Variants in PHF8 observed in about 807,000 individuals in gnomAD.
The protein encoded by PHF8 is PHD finger protein 8, also known as histone lysine demethylase PHF8.
Under a neutral mutation model 74.4 loss-of-function variants are expected in PHF8, and 9 were observed. The observed-to-expected ratio is 0.12, with a 90% confidence interval of 0.07 to 0.21. The LOEUF is 0.21. Among genes scored for constraint, PHF8 ranks in the 10% least tolerant of loss-of-function variants. The pLI is 1.00. For synonymous variants in PHF8, 311 were observed against 316.6 expected, an observed-to-expected ratio of 0.98 and a Z score of 0.19; for missense variants, 478 against 816.6, an observed-to-expected ratio of 0.59 and a Z score of 5.05.
chrX:54,000,763 G>A (rs2065814940), intron 10 of PHF8, among the ~76,000 whole-genome samples: 1 of 112,876 alleles, frequency 8.9e-6, no homozygotes, highest in Admixed American at 9.3e-5. Context: ...CTGGGCTAAC[G>A]CCCAGGAACC....
rs1028596908 is a variant in PHF8 at position 54,013,129 on chromosome X, T to A, written c.783+1248A>T. Among the ~76,000 whole-genome samples the A allele has an allele frequency of 7.3e-5, 8 of 109,839 alleles. No homozygotes were observed. In the East Asian group the frequency reaches 1.7e-3, roughly 23 times the overall value. ...ACAGATTCTGTTTCTAAGAAAAAAATAATAATAATAAAAAAGAAAACTAAA... is the reference window on the plus strand; with the variant it reads ...ACAGATTCTGTTTCTAAGAAAAAAAAAATAATAATAAAAAAGAAAACTAAA... On this transcript the variant is annotated intron_variant, in intron 7 of 21. Coordinates refer to ENST00000338154, the MANE Select transcript of PHF8 (RefSeq NM_015107.3).
rs1557082436 is a variant in PHF8 at position 53,938,486 on chromosome X, C to CT, written c.*671dup. 8 of 767,994 alleles carry CT rather than the reference C, an allele frequency of 1.0e-5. No individual in the cohort carries two copies. Among genetic ancestry groups the CT allele is most frequent in the Non-Finnish European group, 1.2e-5 (8 of 648,839 alleles). The allele number at this position is 767,994 out of a possible 1,213,427, so 63.3% of individuals were successfully genotyped here. A position where few individuals can be genotyped will look rare whatever the true frequency, so the allele number is the denominator to read the frequency against. On this transcript the variant is annotated 3_prime_UTR_variant, in exon 22 of 22. Coordinates refer to ENST00000338154, the MANE Select transcript of PHF8 (RefSeq NM_015107.3). ...AAAGGCTTGGGCATCTGACCTCTCCCTACCTTGACAAGTGATAGGAATCAC... is the reference window on the plus strand; with the variant it reads ...AAAGGCTTGGGCATCTGACCTCTCCCTTACCTTGACAAGTGATAGGAATCAC...
intron 18 of PHF8, among the ~76,000 whole-genome samples, chrX:53,966,946 C>T (rs369328075): frequency 0.018 from 1,806 of 98,551 alleles, 16 homozygotes; most frequent in Non-Finnish European, 0.026. Flanking sequence ...AGGTGAGGAG[C>T]GTCTCTGCCC....
At chrX:53,960,008 G>T (rs2065076750) in intron 19 of PHF8, among the ~76,000 whole-genome samples, 1 of 110,714 alleles carries the variant, frequency 9.0e-6, no homozygotes, top group East Asian at 2.8e-4. Context: ...TGTCTCTTGG[G>T]AACGGGATTG....
chrX:53,951,687 C>T (rs994633951), intron 19 of PHF8, among the ~76,000 whole-genome samples: 6 of 109,981 alleles, frequency 5.5e-5, no homozygotes, highest in Non-Finnish European at 3.8e-5. Context: ...CTCCTGACCT[C>T]GTGATCCGCC....
chrX:53,938,919 G>A lies in PHF8; in HGVS notation c.*239C>T. ...TAGAAAAGAGGGTTCTAGTCAGCTG[G>A]AAACCTCTCCCATTTACCTGCTCCT... On this transcript the variant is annotated 3_prime_UTR_variant, in exon 22 of 22. Coordinates refer to ENST00000338154, the MANE Select transcript of PHF8 (RefSeq NM_015107.3). 1.0e-6 allele frequency: 1 copy of A among 969,850 alleles called. No individual in the cohort carries two copies. The highest frequency in any genetic ancestry group is 4.5e-5 in the South Asian group (1 of 22,052). 79.9% of individuals were successfully genotyped at this position (969,850 alleles called of 1,213,427 possible).
At chrX:53,995,072 T>C (rs973927342) in intron 12 of PHF8, 4 of 315,553 alleles carry the variant, frequency 1.3e-5, no homozygotes, top group Non-Finnish European at 1.9e-5. Flanking sequence ...ACTGAGGCTC[T>C]GAAAGGCTTG....
At chrX:54,033,039 A>G (rs1274800596) in intron 2 of PHF8, among the ~76,000 whole-genome samples, 1 of 111,315 alleles carries the variant, frequency 9.0e-6, no homozygotes, top group African/African-American at 3.3e-5. Context: ...CCGACTAGAG[A>G]CAGCAGGATC....
upstream of PHF8, chrX:54,045,031 C>T (rs2066621405): frequency 1.8e-5 from 10 of 567,576 alleles, no homozygotes; most frequent in Middle Eastern, 4.3e-4. Flanking sequence ...GGAGCAGGGA[C>T]GTTGAACCTT....
At chrX:53,985,590 A>C (rs1162340583) in intron 17 of PHF8, among the ~76,000 whole-genome samples, 1 of 111,532 alleles carries the variant, frequency 9.0e-6, no homozygotes, top group East Asian at 2.8e-4. Context: ...CTAAGTGCCC[A>C]AAATTGATTC....
intron 18 of PHF8, among the ~76,000 whole-genome samples, chrX:53,969,854 C>T (rs1272471089): frequency 8.9e-6 from 1 of 111,834 alleles, no homozygotes; most frequent in Non-Finnish European, 1.9e-5. Context: ...ACGAAGGCAC[C>T]AAGAACATTC....
At chrX:54,043,114 A>G in intron 1 of PHF8, 1 of 835,530 alleles carries the variant, frequency 1.2e-6, no homozygotes, top group Non-Finnish European at 1.5e-6. Flanking sequence ...AAAATACCTG[A>G]AGCCTTTTCG....
At chrX:53,951,607 C>G (rs1450402311) in intron 19 of PHF8, among the ~76,000 whole-genome samples, 1 of 110,407 alleles carries the variant, frequency 9.1e-6, no homozygotes, top group Non-Finnish European at 1.9e-5. Context: ...CCCGCCACCA[C>G]GCCCGGCTAA....
chrX:53,996,905 T>G (rs1449230878), intron 11 of PHF8, among the ~76,000 whole-genome samples: 2 of 112,261 alleles, frequency 1.8e-5, no homozygotes, highest in Non-Finnish European at 3.8e-5. Context: ...TAGGCAAAGA[T>G]TTCTTAGATA....
chrX:54,032,184 G>A (rs2066370369), intron 2 of PHF8, among the ~76,000 whole-genome samples: 1 of 111,402 alleles, frequency 9.0e-6, no homozygotes, highest in Admixed American at 9.6e-5. Flanking sequence ...ACTTTAGCGT[G>A]CATCTGAAAG....
intron 19 of PHF8, among the ~76,000 whole-genome samples, chrX:53,945,513 AAAT>A (rs1421232522): frequency 1.8e-5 from 2 of 110,166 alleles, no homozygotes; most frequent in African/African-American, 3.3e-5. Context: ...CTGTCTCAAA[AAAT>A]AATAATAATA....
intron 2 of PHF8, 27 bp downstream of exon 2, chrX:54,042,604 C>T (rs1557116224): frequency 8.5e-7 from 1 of 1,175,696 alleles, no homozygotes; most frequent in Non-Finnish European, 1.2e-6. Flanking sequence ...CCACCGCACC[C>T]TGTGTAGCCT....
chrX:54,010,084 C>T lies in PHF8; in HGVS notation c.946+1038G>A, dbSNP rs782094705. ...ATCCCAGCGCTTTGGGAGACTGAGG[C>T]GGGTGGATCACCTGAGGTCAAGGTC... On this transcript the variant is annotated intron_variant, in intron 8 of 21. Transcript: ENST00000338154. Among the ~76,000 whole-genome samples the T allele has an allele frequency of 9.1e-5, 10 of 109,446 alleles. No homozygotes were observed. In the South Asian group the frequency reaches 1.9e-3, roughly 21 times the overall value.
chrX:54,047,451 TCTA>T (rs2066639443), upstream of PHF8, among the ~76,000 whole-genome samples: 1 of 111,982 alleles, frequency 8.9e-6, no homozygotes, highest in African/African-American at 3.3e-5. Context: ...TCTTTATTAA[TCTA>T]CTATGCATCA....
Sources: allele counts gnomAD v4.1 joint callset (sites outside exome capture counted in the v4.1 genomes callset), GRCh38; gene constraint gnomAD v4.1.1; transcripts MANE v1.5; gene names NCBI Gene and HGNC (gene_info 2026-07-23, HGNC 2026-07-21).